The following PTPRD variants were observed in gnomAD, a reference collection of about 807,000 sequenced individuals.
PTPRD encodes the protein receptor-type tyrosine-protein phosphatase delta.
A neutral mutation model predicts 214.5 loss-of-function variants in PTPRD; 34 were observed. The ratio of observed to expected loss-of-function variants is 0.16; its 90% CI spans 0.12 to 0.21. The LOEUF is 0.21. Among genes scored for constraint, PTPRD ranks in the 10% least tolerant of loss-of-function variants. The pLI, the probability that PTPRD is intolerant of heterozygous loss-of-function variation, is 1.00. For synonymous variants in PTPRD, 1,128 were observed against 845.7 expected (o/e 1.33, Z -5.79); for missense variants, 2,545 against 2,398.7 (o/e 1.06, Z -1.27).
chr9:9,577,758 G>A (rs184523006), intron 7 of PTPRD, among the ~76,000 whole-genome samples: 145 of 151,764 alleles, frequency 9.6e-4, no homozygotes, highest in African/African-American at 3.4e-3. Context: ...CAAATAAATT[G>A]GATCAGTCCG....
intron 5 of PTPRD, among the ~76,000 whole-genome samples, chr9:9,851,491 C>G (rs1238197797): frequency 2.6e-5 from 4 of 152,134 alleles, no homozygotes; most frequent in Non-Finnish European, 1.5e-5. Flanking sequence ...ACTGCAGGGC[C>G]TAAAGATTCA....
chr9:8,651,460 G>T (rs558615722), intron 12 of PTPRD, among the ~76,000 whole-genome samples: 1 of 152,254 alleles, frequency 6.6e-6, no homozygotes, highest in East Asian at 1.9e-4. Flanking sequence ...AGAGGCTAGG[G>T]TACGATTCCT....
At chr9:8,946,705 T>G (rs1404656735) in intron 11 of PTPRD, among the ~76,000 whole-genome samples, 2 of 152,126 alleles carry the variant, frequency 1.3e-5, no homozygotes, top group Non-Finnish European at 2.9e-5. Flanking sequence ...TAGAGTCAAA[T>G]GTTAACAGAT....
intron 9 of PTPRD, among the ~76,000 whole-genome samples, chr9:9,202,789 T>C (rs2099942641): frequency 6.6e-6 from 1 of 152,220 alleles, no homozygotes; most frequent in African/African-American, 2.4e-5. Context: ...GGGGACTTTA[T>C]AGCCACTTTG....
Position 8,683,134 on chromosome 9 carries a change from G to A in PTPRD, c.65-46290C>T, listed in dbSNP as rs80163925. 1.5e-3 allele frequency among the ~76,000 whole-genome samples: 230 copies of A among 152,218 alleles called. 1 individual carries two copies. Among genetic ancestry groups the A allele is most frequent in the East Asian group, 0.015 (78 of 5,174 alleles). ...GAGCAGCAGGCTTGGAAGAAAAGGTGGATCTGGCTTAAGAAGGCATACCAC... is the reference window on the plus strand; with the variant it reads ...GAGCAGCAGGCTTGGAAGAAAAGGTAGATCTGGCTTAAGAAGGCATACCAC... On this transcript the variant is annotated intron_variant, in intron 12 of 45. Coordinates refer to ENST00000381196, the MANE Select transcript of PTPRD (RefSeq NM_002839.4).
At chr9:8,604,800 C>T (rs770944512) in intron 14 of PTPRD, among the ~76,000 whole-genome samples, 14 of 152,146 alleles carry the variant, frequency 9.2e-5, no homozygotes, top group African/African-American at 1.9e-4. Flanking sequence ...CTTTCATAAA[C>T]GGGTATGATG....
At chr9:8,770,696 A>G (rs988392768) in intron 11 of PTPRD, among the ~76,000 whole-genome samples, 4 of 152,184 alleles carry the variant, frequency 2.6e-5, no homozygotes, top group African/African-American at 9.7e-5. Context: ...TATATATTGT[A>G]TGTTTTATGT....
At chr9:8,510,638 C>T (rs2097659106) in intron 21 of PTPRD, among the ~76,000 whole-genome samples, 1 of 152,082 alleles carries the variant, frequency 6.6e-6, no homozygotes, top group Non-Finnish European at 1.5e-5. Context: ...AGCATATGGG[C>T]CATGAAATAA....
intron 2 of PTPRD, among the ~76,000 whole-genome samples, chr9:10,549,496 A>G (rs910890954): frequency 6.6e-6 from 1 of 152,196 alleles, no homozygotes; most frequent in Non-Finnish European, 1.5e-5. Flanking sequence ...TGAAGGTAGC[A>G]GGACTCATTC....
intron 12 of PTPRD, among the ~76,000 whole-genome samples, chr9:8,697,160 T>C (rs2097929835): frequency 6.6e-6 from 1 of 151,898 alleles, no homozygotes; most frequent in South Asian, 2.1e-4. Flanking sequence ...CAAAATTAAG[T>C]AGTTGATTGG....
chr9:9,191,332 T>A (rs1172312856), intron 9 of PTPRD, among the ~76,000 whole-genome samples: 2 of 152,060 alleles, frequency 1.3e-5, no homozygotes, highest in African/African-American at 4.8e-5. Context: ...AAAAGCCATG[T>A]TGCTGAACTT....
At chr9:9,378,482 A>G (rs1334475728) in intron 9 of PTPRD, among the ~76,000 whole-genome samples, 1 of 152,158 alleles carries the variant, frequency 6.6e-6, no homozygotes, top group Non-Finnish European at 1.5e-5. Context: ...TGTTATAAAC[A>G]TCTGTGTGCA....
intron 3 of PTPRD, among the ~76,000 whole-genome samples, chr9:10,162,000 T>G (rs1282752435): frequency 6.6e-6 from 1 of 151,472 alleles, no homozygotes; most frequent in Non-Finnish European, 1.5e-5. Context: ...AATGAAATGT[T>G]TTACCCTAGT....
At position 10,111,269 on chromosome 9, in the gene PTPRD, C is replaced by T. The variant is rs1450512423; in HGVS notation, c.-544-77479G>A. 7.8e-5 allele frequency among the ~76,000 whole-genome samples: 9 copies of T among 115,624 alleles called. No homozygotes were observed. In the East Asian group the frequency reaches 7.9e-4, roughly 10 times the overall value. The allele number at this position is 115,624 out of a possible 152,430, so 75.9% of individuals were successfully genotyped here. A position where few individuals can be genotyped will look rare whatever the true frequency, so the allele number is the denominator to read the frequency against. ...TTTTTTTTTTTTTGAGACGGAGTCT[C>T]GCTCTGTCGCCCAGGCTGGAGTGCA... On this transcript the variant is annotated intron_variant, in intron 3 of 45. Transcript: ENST00000381196.
At chr9:9,691,694 C>A (rs555127550) in intron 7 of PTPRD, among the ~76,000 whole-genome samples, 138 of 152,046 alleles carry the variant, frequency 9.1e-4, no homozygotes, top group Non-Finnish European at 1.8e-3. Context: ...TTTTGAGGAA[C>A]CTACAAACTG....
chr9:9,623,763 C>A (rs1013917856), intron 7 of PTPRD, among the ~76,000 whole-genome samples: 2 of 152,164 alleles, frequency 1.3e-5, no homozygotes, highest in African/African-American at 4.8e-5. Flanking sequence ...GCTTGAAAAG[C>A]ATTCCACAAT....
chr9:10,054,226 G>T (rs1056491239), intron 3 of PTPRD, among the ~76,000 whole-genome samples: 2 of 152,140 alleles, frequency 1.3e-5, no homozygotes, highest in African/African-American at 4.8e-5. Flanking sequence ...TGACACAAAT[G>T]ATATTGTGCT....
chr9:10,557,853 C>T (rs115613721), intron 2 of PTPRD, among the ~76,000 whole-genome samples: 32 of 152,212 alleles, frequency 2.1e-4, no homozygotes, highest in African/African-American at 6.0e-4. Context: ...ATTTATGTCA[C>T]GTTCTAAGAA....
At chr9:8,682,716 T>TG (rs1351885113) in intron 12 of PTPRD, among the ~76,000 whole-genome samples, 1 of 152,132 alleles carries the variant, frequency 6.6e-6, no homozygotes, top group Non-Finnish European at 1.5e-5. Context: ...GAGGCTGAAA[T>TG]GGGGGAGGTC....
Sources: allele counts gnomAD v4.1 joint callset (sites outside exome capture counted in the v4.1 genomes callset), GRCh38; gene constraint gnomAD v4.1.1; transcripts MANE v1.5; gene names NCBI Gene and HGNC (gene_info 2026-07-23, HGNC 2026-07-21).